Variants in TTC21B observed in about 807,000 individuals in gnomAD.
TTC21B encodes tetratricopeptide repeat protein 21B.
TTC21B carries 127 observed loss-of-function variants against 175.1 expected under a neutral mutation model. The ratio of observed to expected loss-of-function variants is 0.73; its 90% CI spans 0.63 to 0.84. The LOEUF is 0.84. Among genes scored for constraint, TTC21B ranks in the 40% least tolerant of loss-of-function variants. TTC21B has a pLI of 0.00. For synonymous variants in TTC21B, 524 were observed against 524.5 expected (o/e 1.00, Z 0.01); for missense variants, 1,561 against 1,558.3 (o/e 1.00, Z -0.03).
intron 13 of TTC21B, 29 bp from the exon 14 acceptor site, chr2:165,917,510 G>A (rs781165180): frequency 1.3e-6 from 2 of 1,540,414 alleles, no homozygotes; most frequent in African/African-American, 2.7e-5. Context: ...TATTTCCTTG[G>A]AGTGCTTACA....
chr2:165,906,693 C>T (rs1685746855), intron 19 of TTC21B, among the ~76,000 whole-genome samples: 1 of 151,994 alleles, frequency 6.6e-6, no homozygotes, highest in Non-Finnish European at 1.5e-5. Flanking sequence ...GCCTGTAATC[C>T]CAGCACGTTG....
Position 165,917,328 on chromosome 2 carries a change from C to T in TTC21B, c.1828G>A (p.Glu610Lys), listed in dbSNP as rs773520297. The change falls in exon 14 of 29, where the codon GAA (glutamate) becomes AAA (lysine). Residue 610 changes from glutamate (E) to lysine (K), a missense_variant. Glu to Lys is a moderately conservative substitution (Grantham distance 56, BLOSUM62 1). Coordinates refer to ENST00000243344, the MANE Select transcript of TTC21B (RefSeq NM_024753.5). ...ASTKSKDRKT[E>K]VDTSHRLSIF... Reference sequence around the variant, plus strand: ...GATAAACGATGGCTTGTATCAACTTCAGTTTTTCTGTCTTTTGATTTTGTG... The same window carrying T: ...GATAAACGATGGCTTGTATCAACTTTAGTTTTTCTGTCTTTTGATTTTGTG... 1 of 1,614,176 alleles carries T rather than the reference C, an allele frequency of 6.2e-7. No individual in the cohort carries two copies. The highest frequency in any genetic ancestry group is 1.1e-5 in the South Asian group (1 of 91,088).
intron 22 of TTC21B, among the ~76,000 whole-genome samples, chr2:165,894,889 A>C (rs4667856): frequency 0.019 from 2,827 of 152,280 alleles, 117 homozygotes; most frequent in Admixed American, 0.099. Context: ...ATAAGTAATA[A>C]AGACGTATGG....
Position 165,890,918 on chromosome 2 carries a change from T to C in TTC21B, c.3021A>G (p.Arg1007=), listed in dbSNP as rs370767165. 14 of 1,613,274 alleles carry C rather than the reference T, an allele frequency of 8.7e-6. No individual in the cohort carries two copies. The highest frequency in any genetic ancestry group is 1.1e-5 in the Non-Finnish European group (13 of 1,179,554). The change falls in exon 23 of 29, where the codon AGA becomes AGG. Residue 1007 remains arginine, a synonymous_variant. Coordinates refer to ENST00000243344, the MANE Select transcript of TTC21B (RefSeq NM_024753.5). ...RRCGKLEDVP[R]FFSMAEKRNS... ...TACGTTTCTCAGCCATTGAGAAAAATCTTGGGACATCCTCGAGTTTTCCAC... is the reference window on the plus strand; with the variant it reads ...TACGTTTCTCAGCCATTGAGAAAAACCTTGGGACATCCTCGAGTTTTCCAC...
intron 26 of TTC21B, among the ~76,000 whole-genome samples, chr2:165,883,394 T>G (rs543850007): frequency 2.0e-5 from 3 of 152,172 alleles, no homozygotes; most frequent in Non-Finnish European, 4.4e-5. Flanking sequence ...ATTCTAATAA[T>G]GAGAAAATGA....
chr2:165,946,459 T>C (rs754966451), intron 3 of TTC21B, among the ~76,000 whole-genome samples: 12 of 152,204 alleles, frequency 7.9e-5, no homozygotes, highest in African/African-American at 1.4e-4. Context: ...TTCTAATAAC[T>C]GAATCAAGTA....
chr2:165,901,587 G>A, intron 20 of TTC21B, 135 bp downstream of exon 20: 1 of 830,212 alleles, frequency 1.2e-6, no homozygotes, highest in Non-Finnish European at 2.0e-6. Flanking sequence ...CCTCCCAAAG[G>A]GCTGGGATTA....
intron 22 of TTC21B, among the ~76,000 whole-genome samples, chr2:165,893,345 A>T (rs1685257744): frequency 6.6e-6 from 1 of 152,190 alleles, no homozygotes; most frequent in Non-Finnish European, 1.5e-5. Context: ...GCAAGAACTA[A>T]AGGTTAAAAT....
intron 3 of TTC21B, among the ~76,000 whole-genome samples, chr2:165,946,330 C>A (rs758161660): frequency 6.6e-6 from 1 of 151,452 alleles, no homozygotes; most frequent in African/African-American, 2.4e-5. Context: ...TAGAGCAAGA[C>A]CCCGACTCAA....
At chr2:165,916,226 G>A (rs1194803145) in intron 14 of TTC21B, among the ~76,000 whole-genome samples, 1 of 152,154 alleles carries the variant, frequency 6.6e-6, no homozygotes, top group Non-Finnish European at 1.5e-5. Context: ...TTGTATCACT[G>A]GATGCCAGCT....
At chr2:165,950,063 C>T (rs1263121631) in intron 1 of TTC21B, among the ~76,000 whole-genome samples, 7 of 90,560 alleles carry the variant, frequency 7.7e-5, no homozygotes, top group African/African-American at 2.5e-4. Flanking sequence ...AGACAATAAA[C>T]AGGAACTAAA....
chr2:165,896,028 T>C (rs1685350668), intron 22 of TTC21B, among the ~76,000 whole-genome samples: 1 of 152,316 alleles, frequency 6.6e-6, no homozygotes, highest in South Asian at 2.1e-4. Context: ...CAAACATCTT[T>C]TTATTAAAAG....
Position 165,915,367 on chromosome 2 carries a change from T to C in TTC21B, c.1972A>G (p.Ile658Val). 3 of 1,614,116 alleles carry C rather than the reference T, an allele frequency of 1.9e-6. No individual in the cohort carries two copies. Among genetic ancestry groups the C allele is most frequent in the South Asian group, 1.1e-5 (1 of 91,082 alleles). ...GCTAGAGCAAGGTCTGCATTAGCAA[T>C]GGTAACCCGCACTTCTTCAGATGTT... ...SGTSEEVRVT[I>V]ANADLALAQG... Residue 658 changes from isoleucine to valine, a missense_variant, in exon 15 of 29, where the codon ATT (isoleucine) becomes GTT (valine). Ile to Val is a conservative substitution (Grantham distance 29). Transcript: ENST00000243344.
intron 22 of TTC21B, among the ~76,000 whole-genome samples, chr2:165,895,092 A>G (rs1685319580): frequency 6.6e-6 from 1 of 151,372 alleles, no homozygotes; most frequent in Non-Finnish European, 1.5e-5. Context: ...TTACTTTTTT[A>G]TTTTCCCCCA....
intron 12 of TTC21B, among the ~76,000 whole-genome samples, chr2:165,920,618 G>A (rs983748477): frequency 6.6e-6 from 1 of 152,146 alleles, no homozygotes; most frequent in Non-Finnish European, 1.5e-5. Flanking sequence ...TGTACTAACA[G>A]GAGAAAGTGC....
intron 19 of TTC21B, among the ~76,000 whole-genome samples, chr2:165,907,144 T>C (rs902235054): frequency 1.3e-5 from 2 of 152,026 alleles, no homozygotes; most frequent in African/African-American, 4.8e-5. Flanking sequence ...GTCAATTTAA[T>C]ATACCACATT....
At chr2:165,933,156 T>C in intron 6 of TTC21B, 99 bp from the exon 7 acceptor site, 1 of 881,874 alleles carries the variant, frequency 1.1e-6, no homozygotes, top group South Asian at 1.5e-5. Context: ...TATTCCACTG[T>C]TCAAATAAGT....
Position 165,918,994 on chromosome 2 carries a change from C to T in TTC21B, c.1674+282G>A, listed in dbSNP as rs113126126. On this transcript the variant is annotated intron_variant, in intron 13 of 28. Transcript: ENST00000243344. ...TTGCATTTAATTCTCATTGTAACAG[C>T]AGAGTATTAGTAAATGAGTTTTACA... Among the ~76,000 whole-genome samples, 1,807 of 152,168 alleles carry T rather than the reference C, an allele frequency of 0.012. 36 individuals are homozygous for T. The highest frequency in any genetic ancestry group is 0.041 in the African/African-American group (1,713 of 41,508).
chr2:165,916,040 T>C (rs1297944578), intron 14 of TTC21B, among the ~76,000 whole-genome samples: 1 of 152,208 alleles, frequency 6.6e-6, no homozygotes, highest in Non-Finnish European at 1.5e-5. Context: ...CCCAGCACTT[T>C]GGGAGGCCGA....
Sources: gnomAD v4.1 joint callset for allele counts (sites outside exome capture counted in the v4.1 genomes callset) on GRCh38, gnomAD v4.1.1 for gene constraint, MANE v1.5 for transcripts, NCBI Gene and HGNC (gene_info 2026-07-23, HGNC 2026-07-21) for gene names.